Variants in RNMT observed in about 807,000 individuals in gnomAD.
RNMT encodes the protein mRNA cap guanine-N(7) methyltransferase.
Under a neutral mutation model 56.0 loss-of-function variants are expected in RNMT, and 27 were observed. That is an observed-to-expected ratio of 0.48 (90% CI 0.36 to 0.67). The LOEUF (loss-of-function observed/expected upper bound fraction) is 0.67. RNMT is among the 30% of genes least tolerant of loss of function. The probability of loss-of-function intolerance (pLI) is 0.00; values close to 1 mark genes in which losing one functional copy is unlikely to be tolerated. For synonymous variants in RNMT, 184 were observed against 176.2 expected (o/e 1.04, Z -0.35); for missense variants, 519 against 552.1 (o/e 0.94, Z 0.60).
At chr18:13,744,159 C>CTTTTTTTTTTTTTTTTTTTTTTTTTTT (rs201093998) in intron 8 of RNMT, among the ~76,000 whole-genome samples, 7 of 91,420 alleles carry the variant, frequency 7.7e-5, no homozygotes, top group South Asian at 3.4e-4. Context: ...TAGCGGTCTT[C>CTTTTTTTTTTTTTTTTTTTTTTTTTTT]TTTTTTTTTT....
intron 9 of RNMT, among the ~76,000 whole-genome samples, chr18:13,749,109 G>T (rs1170584722): frequency 2.0e-5 from 3 of 152,040 alleles, no homozygotes; most frequent in Non-Finnish European, 4.4e-5. Context: ...AAAAAATAAC[G>T]ATGTTTTACA....
intron 10 of RNMT, 119 bp from the exon 11 acceptor site, chr18:13,753,995 A>C (rs2044500813): frequency 1.7e-6 from 1 of 603,492 alleles, no homozygotes; most frequent in Non-Finnish European, 2.9e-6. Flanking sequence ...CAGTGAATCG[A>C]ATGTGTATTT....
At chr18:13,751,863 C>A (rs2044453190) in intron 9 of RNMT, among the ~76,000 whole-genome samples, 1 of 151,908 alleles carries the variant, frequency 6.6e-6, no homozygotes, top group Non-Finnish European at 1.5e-5. Context: ...CAAACTAACA[C>A]AAGGACAGAA....
chr18:13,753,493 G>A (rs981537282), intron 10 of RNMT, among the ~76,000 whole-genome samples: 28 of 148,926 alleles, frequency 1.9e-4, no homozygotes, highest in African/African-American at 4.5e-4. Context: ...AAGATAGGCC[G>A]GGCGCAATGG....
intron 11 of RNMT, among the ~76,000 whole-genome samples, chr18:13,758,073 C>T (rs1324892323): frequency 6.6e-6 from 1 of 152,108 alleles, no homozygotes; most frequent in Non-Finnish European, 1.5e-5. Flanking sequence ...CAACAGTGGG[C>T]CTAAAATACT....
At position 13,735,500 on chromosome 18, in the gene RNMT, C is replaced by CTTTTTTTT. The variant is rs5823269; in HGVS notation, c.553+911_553+918dup. 3.6e-5 allele frequency among the ~76,000 whole-genome samples: 5 copies of CTTTTTTTT among 138,266 alleles called. 1 individual carries two copies. Among genetic ancestry groups the CTTTTTTTT allele is most frequent in the South Asian group, 2.2e-4 (1 of 4,522 alleles). 90.7% of individuals were successfully genotyped at this position (138,266 alleles called of 152,430 possible). On this transcript the variant is annotated intron_variant, in intron 4 of 11. Coordinates refer to ENST00000383314, the MANE Select transcript of RNMT (RefSeq NM_003799.3). ...TCAGCTTAGGCTAAATGAGTGTTCA[C>CTTTTTTTT]TTTTTTTTTTTTTTTTTAAGATTAA...
intron 9 of RNMT, among the ~76,000 whole-genome samples, chr18:13,749,785 CCATCTTGG>C (rs1453800575): frequency 3.9e-5 from 6 of 152,026 alleles, no homozygotes; most frequent in African/African-American, 1.4e-4. Flanking sequence ...TGCACTGACA[CCATCTTGG>C]CATCTTGGCA....
At position 13,734,525 on chromosome 18, in the gene RNMT, G is replaced by T. The variant is rs1300910058; in HGVS notation, c.479G>T (p.Gly160Val). ...AAHYNELQEV[G>V]LEKRSQSRIF... ...CATTACAATGAACTTCAGGAAGTTG[G>T]TTTGGAGAAGCGTAGTCAAAGTCGT... The change falls in exon 4 of 12, where the codon GGT (glycine) becomes GTT (valine). Residue 160 changes from glycine to valine, a missense_variant. Transcript: ENST00000383314. 1.2e-6 allele frequency: 2 copies of T among 1,613,732 alleles called. No homozygotes were observed. Among genetic ancestry groups the T allele is most frequent in the East Asian group, 4.5e-5 (2 of 44,860 alleles).
chr18:13,749,944 G>C (rs1289393962), intron 9 of RNMT, among the ~76,000 whole-genome samples: 2 of 151,892 alleles, frequency 1.3e-5, no homozygotes, highest in African/African-American at 4.8e-5. Flanking sequence ...ATTTTACGTA[G>C]AGACAGGATG....
In RNMT at chr18:13,762,206, A is replaced by C. The variant is rs1449724015; in HGVS notation, c.*2227A>C. On this transcript the variant is annotated 3_prime_UTR_variant, in exon 12 of 12. Transcript: ENST00000383314. The stretch of plus-strand genomic sequence containing the variant: ...ACCTAACCAGCTATTGGTGGGAATG[A>C]CGGAACTGGGGATTGCGATGATTGA... 1.3e-6 allele frequency: 2 copies of C among 1,491,612 alleles called. No individual in the cohort carries two copies. The highest frequency in any genetic ancestry group is 1.8e-6 in the Non-Finnish European group (2 of 1,123,270). The allele number at this position is 1,491,612 out of a possible 1,614,324, so 92.4% of individuals were successfully genotyped here. A position where few individuals can be genotyped will look rare whatever the true frequency, so the allele number is the denominator to read the frequency against.
intron 7 of RNMT, 29 bp downstream of exon 7, chr18:13,741,720 A>C (rs1461250834): frequency 2.7e-6 from 4 of 1,464,434 alleles, no homozygotes; most frequent in Non-Finnish European, 3.7e-6. Flanking sequence ...ATTGTGGTTT[A>C]TAAAATATTC....
In RNMT at chr18:13,734,573, A is replaced by G. The variant is rs2044128583; in HGVS notation, c.527A>G (p.Asn176Ser). The change falls in exon 4 of 12, where the codon AAT (asparagine) becomes AGT (serine). Residue 176 changes from asparagine (N) to serine (S), a missense_variant. Asn to Ser is a conservative substitution (Grantham distance 46, BLOSUM62 1). Coordinates refer to ENST00000383314, the MANE Select transcript of RNMT (RefSeq NM_003799.3). ...QSRIFYLRNF[N>S]NWMKSVLIGE... The stretch of plus-strand genomic sequence containing the variant: ...CGTATTTTTTACCTAAGAAACTTTA[A>G]TAATTGGATGAAAAGTGTTCTCATT... The G allele has an allele frequency of 2.5e-6, 4 of 1,613,140 alleles. No homozygotes were observed. In the African/African-American group the frequency reaches 4.0e-5, roughly 16 times the overall value.
chr18:13,728,081 G>T lies in RNMT; in HGVS notation c.-172+1352G>T, dbSNP rs141590049. On this transcript the variant is annotated intron_variant, in intron 1 of 11. Coordinates refer to ENST00000383314, the MANE Select transcript of RNMT (RefSeq NM_003799.3). ...AGATATACTGATTTCCCTTCTTTTG[G>T]ATCTGTACCCAGATTTGCAAAACTG... 3.9e-3 allele frequency among the ~76,000 whole-genome samples: 588 copies of T among 152,080 alleles called. 2 individuals are homozygous for T. Among genetic ancestry groups the T allele is most frequent in the African/African-American group, 0.013 (522 of 41,460 alleles).
intron 1 of RNMT, among the ~76,000 whole-genome samples, chr18:13,727,322 G>T (rs1019672827): frequency 6.6e-6 from 1 of 152,202 alleles, no homozygotes; most frequent in Non-Finnish European, 1.5e-5. Flanking sequence ...CGAAATGTTC[G>T]TGTGGTTATT....
At chr18:13,748,442 G>A (rs559356440) in intron 9 of RNMT, among the ~76,000 whole-genome samples, 3 of 152,336 alleles carry the variant, frequency 2.0e-5, no homozygotes, top group African/African-American at 4.8e-5. Flanking sequence ...GGCATAATGG[G>A]GGATGGTTTG....
At chr18:13,745,656 C>T (rs1265335117) in intron 8 of RNMT, among the ~76,000 whole-genome samples, 1 of 151,608 alleles carries the variant, frequency 6.6e-6, no homozygotes, top group African/African-American at 2.4e-5. Flanking sequence ...TGATGAGAGA[C>T]AGCTGAACTA....
intron 10 of RNMT, among the ~76,000 whole-genome samples, chr18:13,753,124 G>A (rs184585923): frequency 2.6e-5 from 4 of 152,306 alleles, no homozygotes; most frequent in East Asian, 3.9e-4. Context: ...CACCAGTGCT[G>A]TTTGATATTT....
intron 9 of RNMT, among the ~76,000 whole-genome samples, chr18:13,750,231 C>G (rs2044418324): frequency 6.6e-6 from 1 of 152,102 alleles, no homozygotes; most frequent in African/African-American, 2.4e-5. Context: ...TGGGAAATGT[C>G]TGTATTTTGG....
At chr18:13,735,776 G>A (rs1230209252) in intron 4 of RNMT, among the ~76,000 whole-genome samples, 1 of 152,020 alleles carries the variant, frequency 6.6e-6, no homozygotes. Flanking sequence ...AGTCAGAGTT[G>A]GCAAAATTGT....
Sources: gnomAD v4.1 joint callset for allele counts (sites outside exome capture counted in the v4.1 genomes callset) on GRCh38, gnomAD v4.1.1 for gene constraint, MANE v1.5 for transcripts, NCBI Gene and HGNC (gene_info 2026-07-23, HGNC 2026-07-21) for gene names.